Variants in CHMP4B observed in about 807,000 individuals in gnomAD.
CHMP4B encodes charged multivesicular body protein 4B, also known as SNF7 homolog associated with Alix 1.
CHMP4B carries 1 observed loss-of-function variant against 25.1 expected under a neutral mutation model. The observed-to-expected ratio is 0.04, with a 90% CI of 0.01 to 0.19. The LOEUF is 0.19. Ranked by LOEUF, CHMP4B falls within the 10% of genes least tolerant of loss-of-function variation. CHMP4B has a pLI of 1.00. For missense variants in CHMP4B, 151 were observed against 289.7 expected, an observed-to-expected ratio of 0.52 and a Z score of 3.48; for synonymous variants, 101 against 115.6, an observed-to-expected ratio of 0.87 and a Z score of 0.81.
At chr20:33,815,134 C>G (rs972455738) in intron 1 of CHMP4B, among the ~76,000 whole-genome samples, 1 of 152,134 alleles carries the variant, frequency 6.6e-6, no homozygotes, top group Non-Finnish European at 1.5e-5. Flanking sequence ...TTGCTGGGTA[C>G]CTGGGGCAGG....
intron 1 of CHMP4B, among the ~76,000 whole-genome samples, chr20:33,839,180 G>C (rs1432170162): frequency 2.0e-5 from 3 of 152,150 alleles, no homozygotes; most frequent in Admixed American, 2.0e-4. Context: ...GGGTCCTCCA[G>C]AATGTGGAGG....
At chr20:33,823,494 CCTGAGTAG>C (rs1979002700) in intron 1 of CHMP4B, among the ~76,000 whole-genome samples, 3 of 152,246 alleles carry the variant, frequency 2.0e-5, no homozygotes, top group South Asian at 4.1e-4. Context: ...ACCTCGGCCT[CCTGAGTAG>C]CTAGAACTAT....
chr20:33,845,497 AT>A (rs1364241312), intron 1 of CHMP4B, among the ~76,000 whole-genome samples: 1 of 151,894 alleles, frequency 6.6e-6, no homozygotes, highest in African/African-American at 2.4e-5. Context: ...TAATTTTTGT[AT>A]TTTTAGTAGA....
chr20:33,846,239 C>G (rs533092336), intron 1 of CHMP4B, among the ~76,000 whole-genome samples: 1 of 152,350 alleles, frequency 6.6e-6, no homozygotes, highest in South Asian at 2.1e-4. Flanking sequence ...CAGGACATCT[C>G]TGAACCTCAG....
rs145938020 is a variant in CHMP4B at position 33,813,401 on chromosome 20, T to G, written c.190+1743T>G. ...TTGGAACGTGTCCTTATTGACAGAG[T>G]TTTTAAAACATCATCTGGCTGCTCT... On this transcript the variant is annotated intron_variant, in intron 1 of 4. Coordinates refer to ENST00000217402, the MANE Select transcript of CHMP4B (RefSeq NM_176812.5). 1.2e-3 allele frequency among the ~76,000 whole-genome samples: 189 copies of G among 151,962 alleles called. 4 individuals are homozygous for G. Among genetic ancestry groups the G allele is most frequent in the African/African-American group, 4.3e-3 (178 of 41,432 alleles).
At chr20:33,840,302 G>T (rs1194970243) in intron 1 of CHMP4B, among the ~76,000 whole-genome samples, 1 of 151,778 alleles carries the variant, frequency 6.6e-6, no homozygotes, top group African/African-American at 2.4e-5. Context: ...GATCCCCAGA[G>T]ACAATGTTGG....
chr20:33,830,783 C>T (rs1406299282), intron 1 of CHMP4B, among the ~76,000 whole-genome samples: 1 of 151,994 alleles, frequency 6.6e-6, no homozygotes, highest in East Asian at 1.9e-4. Flanking sequence ...CACTCCTTAG[C>T]TTTTTGTTTT....
intron 1 of CHMP4B, among the ~76,000 whole-genome samples, chr20:33,819,822 C>T (rs1174372231): frequency 6.6e-6 from 1 of 152,172 alleles, no homozygotes; most frequent in Non-Finnish European, 1.5e-5. Context: ...ATTGACTACA[C>T]AAGCTTTCTG....
chr20:33,843,039 T>A (rs1375579471), intron 1 of CHMP4B, among the ~76,000 whole-genome samples: 1 of 152,180 alleles, frequency 6.6e-6, no homozygotes, highest in Non-Finnish European at 1.5e-5. Flanking sequence ...ACTGATGTGT[T>A]CTCTAAAAAT....
chr20:33,847,759 CT>C (rs956421682), intron 1 of CHMP4B, among the ~76,000 whole-genome samples: 36 of 152,154 alleles, frequency 2.4e-4, no homozygotes, highest in African/African-American at 8.5e-4. Context: ...TAGTAGCCAT[CT>C]TCAGGCATGG....
intron 1 of CHMP4B, among the ~76,000 whole-genome samples, chr20:33,842,227 A>G (rs1979562460): frequency 1.3e-5 from 2 of 152,116 alleles, no homozygotes; most frequent in South Asian, 2.1e-4. Flanking sequence ...TTTCTTTGAC[A>G]CTGGTGGTTA....
chr20:33,811,983 A>G (rs1176457406), intron 1 of CHMP4B, among the ~76,000 whole-genome samples: 5 of 150,778 alleles, frequency 3.3e-5, no homozygotes, highest in Non-Finnish European at 1.5e-5. Context: ...CGCCTCACCC[A>G]CCTGCCTAGC....
chr20:33,853,511 A>G lies in CHMP4B; in HGVS notation c.626A>G (p.Glu209Gly). 1.9e-6 allele frequency: 3 copies of G among 1,613,684 alleles called. No homozygotes were observed. The highest frequency in any genetic ancestry group is 2.5e-6 in the Non-Finnish European group (3 of 1,179,824). The change falls in exon 5 of 5, where the codon GAG becomes GGG. Residue 209 changes from glutamate to glycine, a missense_variant. This residue lies in a region of CHMP4B where 41 missense variants were observed against 50.9 expected (regional missense o/e 0.81). Transcript: ENST00000217402. ...CTTCACACAGCCAAGAAGAAAGAAG[A>G]GGAGGACGACGACATGAAGGAATTG... ...LPSKPAKKKEEEDDDMKELEN... is the reference protein window; with the variant it reads ...LPSKPAKKKEGEDDDMKELEN...
chr20:33,827,136 T>C lies in CHMP4B; in HGVS notation c.190+15478T>C, dbSNP rs544776812. 8.5e-5 allele frequency among the ~76,000 whole-genome samples: 13 copies of C among 152,302 alleles called. No homozygotes were observed. In the East Asian group the frequency reaches 2.3e-3, roughly 27 times the overall value. On this transcript the variant is annotated intron_variant, in intron 1 of 4. Transcript: ENST00000217402. Reference sequence around the variant, plus strand: ...TCCTGTTAGCTGTCCTACCCCTGGGTGCCCCCTCCATCACCCAGATTGGTC... The same window carrying C: ...TCCTGTTAGCTGTCCTACCCCTGGGCGCCCCCTCCATCACCCAGATTGGTC...
rs183807187 is a variant in CHMP4B at position 33,848,060 on chromosome 20, T to A, written c.191-407T>A. ...TGAGAGGCATACACACTGATGAATG[T>A]GCCAGGTGTTTACATACAGTATGTC... On this transcript the variant is annotated intron_variant, in intron 1 of 4. Coordinates refer to ENST00000217402, the MANE Select transcript of CHMP4B (RefSeq NM_176812.5). Among the ~76,000 whole-genome samples, 3 of 152,316 alleles carry A rather than the reference T, an allele frequency of 2.0e-5. No homozygotes were observed. The East Asian group carries it at 5.8e-4, about 29-fold the overall frequency.
In CHMP4B at chr20:33,853,945, C is replaced by G. The variant is rs1979934212; in HGVS notation, c.*385C>G. On this transcript the variant is annotated 3_prime_UTR_variant, in exon 5 of 5. Transcript: ENST00000217402. ...GCCTCTGTCCTTGTAAGTCAGTTGA[C>G]TTGCCGCACATCTCTTTGTGTACTT... The G allele has an allele frequency of 9.3e-6, 3 of 323,656 alleles. No homozygotes were observed. Among genetic ancestry groups the G allele is most frequent in the Non-Finnish European group, 1.8e-5 (3 of 167,344 alleles). 20.0% of individuals were successfully genotyped at this position (323,656 alleles called of 1,614,324 possible).
In CHMP4B at chr20:33,853,773, G is replaced by GGGGGGGGGGGGGGGGGGGGGGGGAAA; in HGVS notation, c.*213_*214insGGGGGGGGGGGGGGGGGGGGGGGAAA. ...GGGGGGAGGGGGGCGGGCGGGGTGG[G>GGGGGGGGGGGGGGGGGGGGGGGGAAA]AAGTGCCTGCTGTTTATAATGTTGA... is the stretch of plus-strand genomic sequence containing the variant. On this transcript the variant is annotated 3_prime_UTR_variant, in exon 5 of 5. Transcript: ENST00000217402. The GGGGGGGGGGGGGGGGGGGGGGGGAAA allele has an allele frequency of 4.0e-5, 1 of 25,270 alleles. No individual in the cohort carries two copies. The highest frequency in any genetic ancestry group is 7.6e-5 in the Non-Finnish European group (1 of 13,100). The allele number at this position is 25,270 out of a possible 1,614,324, so 1.6% of individuals were successfully genotyped here. A position where few individuals can be genotyped will look rare whatever the true frequency, so the allele number is the denominator to read the frequency against.
intron 1 of CHMP4B, 101 bp downstream of exon 1, chr20:33,811,759 C>T (rs1371119755): frequency 2.4e-6 from 3 of 1,231,404 alleles, no homozygotes; most frequent in African/African-American, 1.5e-5. Flanking sequence ...CTGGTCTGAC[C>T]CTGGAACTCT....
rs200647887 is a variant in CHMP4B, at chr20:33,850,906, A to T, written c.369-46A>T. 619 of 1,418,172 alleles carry T rather than the reference A, an allele frequency of 4.4e-4. 5 individuals are homozygous for T. In the South Asian group the frequency reaches 5.1e-3, roughly 12 times the overall value. 87.8% of individuals were successfully genotyped at this position (1,418,172 alleles called of 1,614,324 possible). ...CCGCCTTGCCTTGCAGGCCCCCTTT[A>T]CGCAGCCTAATCGATTGATATGATA... On this transcript the variant is annotated intron_variant, in intron 2 of 4. Transcript: ENST00000217402.
Sources: gnomAD v4.1 joint callset for allele counts (sites outside exome capture counted in the v4.1 genomes callset) on GRCh38, gnomAD v4.1.1 for gene constraint, gnomAD v4.1.1 regional missense constraint, MANE v1.5 for transcripts, NCBI Gene and HGNC (gene_info 2026-07-23, HGNC 2026-07-21) for gene names.